The following TMTC1 variants were observed in gnomAD, a reference collection of about 807,000 sequenced individuals.
TMTC1 encodes protein O-mannosyl-transferase TMTC1.
Under a neutral mutation model 104.8 loss-of-function variants are expected in TMTC1, and 73 were observed. That is an observed-to-expected ratio of 0.70 (90% CI 0.58 to 0.85). TMTC1 has a LOEUF of 0.85. Among genes scored for constraint, TMTC1 ranks in the 40% least tolerant of loss-of-function variants. The pLI, the probability that TMTC1 is intolerant of heterozygous loss-of-function variation, is 0.00. For missense variants in TMTC1, 1,035 were observed against 1,096.1 expected (o/e 0.94, Z 0.79); for synonymous variants, 434 against 428.7 (o/e 1.01, Z -0.15).
At chr12:29,614,046 GT>G in intron 6 of TMTC1, 1 of 310,910 alleles carries the variant, frequency 3.2e-6, no homozygotes, top group Non-Finnish European at 4.7e-6. Context: ...AGATCTAAAT[GT>G]TTTAGAGTAG....
At chr12:29,679,835 T>C (rs1200727444) in intron 5 of TMTC1, among the ~76,000 whole-genome samples, 3 of 152,156 alleles carry the variant, frequency 2.0e-5, no homozygotes, top group Non-Finnish European at 2.9e-5. Flanking sequence ...CCCTGTTTTG[T>C]AGATTTAGAA....
chr12:29,588,950 C>T (rs1377408365), intron 7 of TMTC1, among the ~76,000 whole-genome samples: 2 of 151,966 alleles, frequency 1.3e-5, no homozygotes, highest in African/African-American at 4.8e-5. Flanking sequence ...ATTCTTGGGA[C>T]CCCAATTGAC....
At chr12:29,642,981 T>G (rs1938930755) in intron 5 of TMTC1, among the ~76,000 whole-genome samples, 1 of 150,910 alleles carries the variant, frequency 6.6e-6, no homozygotes, top group Non-Finnish European at 1.5e-5. Flanking sequence ...AAAAGTGGGT[T>G]AAGGACATGA....
chr12:29,587,017 C>G (rs1228324937), intron 7 of TMTC1, among the ~76,000 whole-genome samples: 1 of 152,076 alleles, frequency 6.6e-6, no homozygotes, highest in African/African-American at 2.4e-5. Flanking sequence ...ATGGTACCAG[C>G]TCCTCCTTGT....
intron 6 of TMTC1, among the ~76,000 whole-genome samples, chr12:29,620,971 C>T (rs965636380): frequency 2.0e-5 from 3 of 152,122 alleles, no homozygotes; most frequent in Admixed American, 6.5e-5. Flanking sequence ...GTCCATCTAT[C>T]GAATACTGCA....
intron 9 of TMTC1, among the ~76,000 whole-genome samples, chr12:29,571,131 A>T (rs1221829884): frequency 6.6e-6 from 1 of 152,144 alleles, no homozygotes; most frequent in African/African-American, 2.4e-5. Context: ...GTTTCAGGAA[A>T]TTCAACCAAA....
At chr12:29,546,783 G>A (rs1228624477) in intron 10 of TMTC1, among the ~76,000 whole-genome samples, 1 of 152,134 alleles carries the variant, frequency 6.6e-6, no homozygotes, top group Non-Finnish European at 1.5e-5. Context: ...TCGGGAGGCT[G>A]AGGCAGGAGG....
At chr12:29,554,045 C>A (rs1347299022) in intron 10 of TMTC1, among the ~76,000 whole-genome samples, 1 of 152,098 alleles carries the variant, frequency 6.6e-6, no homozygotes, top group East Asian at 1.9e-4. Context: ...AATCCAGGTA[C>A]CCCAAAAGAC....
Position 29,707,495 on chromosome 12 carries a change from A to G in TMTC1, c.938+44171T>C, listed in dbSNP as rs528589180. On this transcript the variant is annotated intron_variant, in intron 5 of 17. Coordinates refer to ENST00000539277, the MANE Select transcript of TMTC1 (RefSeq NM_001193451.2). ...CCTCTACTATGAGGCTACAAAGTCC[A>G]GAGTGTTACAATGACCCTCAGCACC... Among the ~76,000 whole-genome samples, 4 of 152,248 alleles carry G rather than the reference A, an allele frequency of 2.6e-5. No individual in the cohort carries two copies. In the East Asian group the frequency reaches 5.8e-4, roughly 22 times the overall value.
chr12:29,552,806 A>G (rs763243984), intron 10 of TMTC1, among the ~76,000 whole-genome samples: 1 of 152,236 alleles, frequency 6.6e-6, no homozygotes, highest in African/African-American at 2.4e-5. Context: ...AGTTAACTCA[A>G]TAACTCAAAA....
chr12:29,749,190 C>G (rs1451056614), intron 5 of TMTC1, among the ~76,000 whole-genome samples: 1 of 152,028 alleles, frequency 6.6e-6, no homozygotes, highest in Admixed American at 6.6e-5. Context: ...CCTTTCTGCT[C>G]CAGCATCATT....
chr12:29,677,593 C>A (rs899322461), intron 5 of TMTC1, among the ~76,000 whole-genome samples: 1 of 152,176 alleles, frequency 6.6e-6, no homozygotes, highest in Non-Finnish European at 1.5e-5. Flanking sequence ...ATGGAAAATT[C>A]CAGAAAGAAA....
intron 7 of TMTC1, among the ~76,000 whole-genome samples, chr12:29,585,730 T>C (rs2136337373): frequency 6.6e-6 from 1 of 152,332 alleles, no homozygotes; most frequent in African/African-American, 2.4e-5. Context: ...GTCAGGTTTG[T>C]CAAAGATCAG....
intron 5 of TMTC1, among the ~76,000 whole-genome samples, chr12:29,740,633 T>C (rs1591996921): frequency 6.6e-6 from 1 of 152,144 alleles, no homozygotes; most frequent in East Asian, 1.9e-4. Context: ...TAATCTCCTA[T>C]TAGTTCTTTC....
chr12:29,672,435 C>G (rs780273081), intron 5 of TMTC1, among the ~76,000 whole-genome samples: 3 of 152,148 alleles, frequency 2.0e-5, no homozygotes, highest in Non-Finnish European at 2.9e-5. Context: ...CTCTTGCATC[C>G]ATGTAGAATG....
chr12:29,546,902 T>TA (rs35983975), intron 10 of TMTC1, among the ~76,000 whole-genome samples: 105 of 151,270 alleles, frequency 6.9e-4, no homozygotes, highest in African/African-American at 2.3e-3. Context: ...CCTTTTCTCT[T>TA]AAAAAAAAAA....
intron 5 of TMTC1, among the ~76,000 whole-genome samples, chr12:29,644,926 G>A (rs1939200338): frequency 6.6e-6 from 1 of 152,082 alleles, no homozygotes; most frequent in African/African-American, 2.4e-5. Flanking sequence ...CACTCATTGT[G>A]ACAAGCCTTC....
intron 1 of TMTC1, among the ~76,000 whole-genome samples, chr12:29,776,357 C>A (rs1293428538): frequency 1.3e-5 from 2 of 152,152 alleles, no homozygotes; most frequent in African/African-American, 4.8e-5. Context: ...TAAACAGAAC[C>A]CATTGGTATC....
intron 5 of TMTC1, among the ~76,000 whole-genome samples, chr12:29,666,514 T>G (rs188718472): frequency 6.6e-6 from 1 of 151,986 alleles, no homozygotes; most frequent in African/African-American, 2.4e-5. Context: ...ATTACAGGTG[T>G]GAGCCACCAC....
Sources: allele counts gnomAD v4.1 joint callset (sites outside exome capture counted in the v4.1 genomes callset), GRCh38; gene constraint gnomAD v4.1.1; transcripts MANE v1.5; gene names NCBI Gene and HGNC (gene_info 2026-07-23, HGNC 2026-07-21).